LIPK: variants seen among roughly 807,000 people sequenced by gnomAD.
The protein encoded by LIPK is lipase member K.
A neutral mutation model predicts 48.6 loss-of-function variants in LIPK; 32 were observed. The ratio of observed to expected loss-of-function variants is 0.66; its 90% CI spans 0.50 to 0.88. The LOEUF is 0.88. LIPK is among the 40% of genes least tolerant of loss of function. The pLI is 0.00. For synonymous variants in LIPK, 164 were observed against 157.4 expected, an observed-to-expected ratio of 1.04 and a Z score of -0.32; for missense variants, 507 against 478.5, an observed-to-expected ratio of 1.06 and a Z score of -0.56.
chr10:88,722,243 C>T (rs530399784), intron 1 of LIPK, among the ~76,000 whole-genome samples: 9 of 152,046 alleles, frequency 5.9e-5, no homozygotes, highest in Non-Finnish European at 1.0e-4. Flanking sequence ...TGCAGTGAGC[C>T]GGGGTCGCAC....
At chr10:88,750,567 C>T (rs567573913) in intron 9 of LIPK, among the ~76,000 whole-genome samples, 2 of 152,282 alleles carry the variant, frequency 1.3e-5, no homozygotes, top group South Asian at 4.1e-4. Context: ...CCAAATATCA[C>T]ATGCTCTCAC....
rs753425646 is a variant in LIPK at position 88,726,837 on chromosome 10, G to C, written c.148G>C (p.Asp50His). ...SYWGYPYEEY[D>H]VTTKDGYILG... ...CTGGGGTTATCCTTATGAAGAGTAT[G>C]ATGTTACAACAAAAGATGGTTATAT... Residue 50 changes from aspartate (D) to histidine (H), a missense_variant, in exon 3 of 10, where the codon GAT (aspartate) becomes CAT (histidine). By Grantham distance (81) the Asp-to-His change is moderately conservative (BLOSUM62 -1). Transcript: ENST00000404190. The C allele has an allele frequency of 2.4e-5, 38 of 1,607,472 alleles. No individual in the cohort carries two copies. The highest frequency in any genetic ancestry group is 3.1e-5 in the Non-Finnish European group (37 of 1,175,088).
chr10:88,708,364 A>T (rs1257757642), intron 1 of LIPK, among the ~76,000 whole-genome samples: 2 of 152,154 alleles, frequency 1.3e-5, no homozygotes, highest in Non-Finnish European at 1.5e-5. Context: ...ATTCCCAGTG[A>T]CCAAATATAA....
chr10:88,749,378 G>A (rs771867188), intron 9 of LIPK, among the ~76,000 whole-genome samples: 1 of 152,210 alleles, frequency 6.6e-6, no homozygotes, highest in Non-Finnish European at 1.5e-5. Context: ...CAAGGCTACA[G>A]TAACCAAAAC....
At chr10:88,722,557 AG>A (rs551589061) in intron 1 of LIPK, among the ~76,000 whole-genome samples, 78 of 152,320 alleles carry the variant, frequency 5.1e-4, no homozygotes, top group African/African-American at 1.8e-3. Context: ...GTGAGGTCTA[AG>A]GGTTTTCAGT....
At chr10:88,749,611 C>T (rs1457506524) in intron 9 of LIPK, among the ~76,000 whole-genome samples, 1 of 151,508 alleles carries the variant, frequency 6.6e-6, no homozygotes, top group Non-Finnish European at 1.5e-5. Flanking sequence ...CAAAAATTAA[C>T]TCAAGATGGA....
At chr10:88,716,277 A>G (rs930919301) in intron 1 of LIPK, among the ~76,000 whole-genome samples, 1 of 152,136 alleles carries the variant, frequency 6.6e-6, no homozygotes, top group East Asian at 1.9e-4. Context: ...AAGGAGTTTG[A>G]AAATATTTGA....
At position 88,727,029 on chromosome 10, in the gene LIPK, G is replaced by A. The variant is rs1459321899; in HGVS notation, c.223+117G>A. 5.9e-6 allele frequency: 4 copies of A among 678,978 alleles called. No individual in the cohort carries two copies. The East Asian group carries it at 1.1e-4, about 18-fold the overall frequency. The allele number at this position is 678,978 out of a possible 1,614,324, so 42.1% of individuals were successfully genotyped here. A position where few individuals can be genotyped will look rare whatever the true frequency, so the allele number is the denominator to read the frequency against. On this transcript the variant is annotated intron_variant, in intron 3 of 9. Coordinates refer to ENST00000404190, the MANE Select transcript of LIPK (RefSeq NM_001080518.2). ...CTTAACAGTCCTTTCCATTAAAGGA[G>A]AAAAATTATCGCCCCCCATCTCTCT...
At chr10:88,716,129 A>G (rs1842112457) in intron 1 of LIPK, among the ~76,000 whole-genome samples, 1 of 152,126 alleles carries the variant, frequency 6.6e-6, no homozygotes, top group Non-Finnish European at 1.5e-5. Context: ...AGACTCAAAA[A>G]TGAAAAACCA....
At chr10:88,748,222 C>T (rs919962036) in intron 9 of LIPK, among the ~76,000 whole-genome samples, 2 of 152,088 alleles carry the variant, frequency 1.3e-5, no homozygotes, top group Non-Finnish European at 2.9e-5. Flanking sequence ...AATGAGAACA[C>T]ATGGACACAG....
At chr10:88,737,583 C>T (rs1842597764) in intron 6 of LIPK, 52 bp from the exon 7 acceptor site, 2 of 1,590,856 alleles carry the variant, frequency 1.3e-6, no homozygotes, top group Admixed American at 1.7e-5. Flanking sequence ...TCTTTCTCCA[C>T]TTTTGATATC....
chr10:88,747,733 T>A (rs2604966), intron 9 of LIPK, among the ~76,000 whole-genome samples: 2 of 151,836 alleles, frequency 1.3e-5, no homozygotes, highest in Admixed American at 1.3e-4. Context: ...GAGAGAATGG[T>A]GATTATTAAA....
intron 1 of LIPK, among the ~76,000 whole-genome samples, chr10:88,706,769 C>CA (rs1841943089): frequency 6.6e-6 from 1 of 152,030 alleles, no homozygotes; most frequent in Admixed American, 6.6e-5. Context: ...TTTTTATGAT[C>CA]AGGGTCATCT....
chr10:88,734,607 G>A (rs1289228810), intron 6 of LIPK, among the ~76,000 whole-genome samples: 2 of 152,152 alleles, frequency 1.3e-5, no homozygotes, highest in African/African-American at 2.4e-5. Context: ...GTAAGCAGAT[G>A]AGGGTAAAGG....
At chr10:88,732,646 G>A in intron 6 of LIPK, 95 bp downstream of exon 6, 2 of 1,288,464 alleles carry the variant, frequency 1.6e-6, no homozygotes, top group Non-Finnish European at 1.1e-6. Context: ...ACAAACTTCT[G>A]AGAAAATAAT....
intron 1 of LIPK, among the ~76,000 whole-genome samples, chr10:88,708,126 C>T (rs371842145): frequency 3.3e-5 from 5 of 152,226 alleles, no homozygotes; most frequent in East Asian, 3.9e-4. Flanking sequence ...AAAAACTATG[C>T]GATACTGCTG....
At chr10:88,714,772 AT>A (rs1842086451) in intron 1 of LIPK, among the ~76,000 whole-genome samples, 1 of 151,706 alleles carries the variant, frequency 6.6e-6, no homozygotes, top group African/African-American at 2.4e-5. Flanking sequence ...TTTTTCCTTG[AT>A]TAGTTTTGTT....
chr10:88,745,443 A>G (rs1590160872), intron 9 of LIPK, among the ~76,000 whole-genome samples: 1 of 152,284 alleles, frequency 6.6e-6, no homozygotes, highest in African/African-American at 2.4e-5. Context: ...TTCAGCAGAA[A>G]CCCTACAAGC....
Position 88,724,665 on chromosome 10 carries a change from G to C in LIPK, c.105+17G>C. On this transcript the variant is annotated intron_variant, in intron 2 of 9. Coordinates refer to ENST00000404190, the MANE Select transcript of LIPK (RefSeq NM_001080518.2). ...ATGAATATTGTAAGTCATTTATTCAGAAAAAAATGCTAAAATAAGGAATTA... is the reference window on the plus strand; with the variant it reads ...ATGAATATTGTAAGTCATTTATTCACAAAAAAATGCTAAAATAAGGAATTA... 2 of 1,528,084 alleles carry C rather than the reference G, an allele frequency of 1.3e-6. No homozygotes were observed. Among genetic ancestry groups the C allele is most frequent in the Non-Finnish European group, 1.8e-6 (2 of 1,128,690 alleles). 94.7% of individuals were successfully genotyped at this position (1,528,084 alleles called of 1,614,324 possible). A position where few individuals can be genotyped will look rare whatever the true frequency, so the allele number is the denominator to read the frequency against.
Sources: allele counts gnomAD v4.1 joint callset (sites outside exome capture counted in the v4.1 genomes callset), GRCh38; gene constraint gnomAD v4.1.1; transcripts MANE v1.5; gene names NCBI Gene and HGNC (gene_info 2026-07-23, HGNC 2026-07-21).